Variants in ZNF200 observed in about 807,000 individuals in gnomAD.
The protein encoded by ZNF200 is zinc finger protein 200.
ZNF200 carries 35 observed loss-of-function variants against 33.6 expected under a neutral mutation model. The ratio of observed to expected loss-of-function variants is 1.04; its 90% confidence interval spans 0.80 to 1.38. The LOEUF (loss-of-function observed/expected upper bound fraction) is 1.38. ZNF200 is among the 40% of genes most tolerant of loss of function. The pLI is 0.00. For synonymous variants in ZNF200, 209 were observed against 167.7 expected, an observed-to-expected ratio of 1.25 and a Z score of -1.90; for missense variants, 592 against 470.6, an observed-to-expected ratio of 1.26 and a Z score of -2.39.
Position 3,224,144 on chromosome 16 carries a change from C to T in ZNF200, c.936G>A (p.Gln312=). Residue 312 remains glutamine, a synonymous_variant, in exon 5 of 5, where the codon CAG becomes CAA. Coordinates refer to ENST00000414144, the MANE Select transcript of ZNF200 (RefSeq NM_198088.3). ...AATTCTGACGGAAGTTTTTTCCACA[C>T]TGAGAACAGGAATAAGGTTTCTCTC... is the stretch of plus-strand genomic sequence containing the variant. ...HTGEKPYSCS[Q]CGKNFRQNSH... is the part of the protein sequence containing the mutation. The T allele has an allele frequency of 3.1e-6, 5 of 1,614,112 alleles. No individual in the cohort carries two copies. Among genetic ancestry groups the T allele is most frequent in the Non-Finnish European group, 4.2e-6 (5 of 1,180,030 alleles).
intron 4 of ZNF200, among the ~76,000 whole-genome samples, chr16:3,228,439 A>C (rs17609551): frequency 0.11 from 16,247 of 151,910 alleles, 1,077 homozygotes; most frequent in Middle Eastern, 0.15. Flanking sequence ...CAAGTAAACA[A>C]ATGATTTTTC....
Position 3,233,646 on chromosome 16 carries a change from T to G in ZNF200, c.110A>C (p.Asn37Thr). 14 of 1,613,928 alleles carry G rather than the reference T, an allele frequency of 8.7e-6. No homozygotes were observed. The highest frequency in any genetic ancestry group is 1.2e-5 in the Non-Finnish European group (14 of 1,179,998). The change falls in exon 2 of 5, where the codon AAC (asparagine) becomes ACC (threonine). Residue 37 changes from asparagine to threonine, a missense_variant. Coordinates refer to ENST00000414144, the MANE Select transcript of ZNF200 (RefSeq NM_198088.3). The part of the protein sequence containing the change: ...LGQDLLRDAT[N>T]GPKTIHQLVL... ...TAGCTGGTGGATGGTCTTGGGCCCG[T>G]TAGTGGCATCTCGAAGTAGGTCTTG...
intron 4 of ZNF200, among the ~76,000 whole-genome samples, chr16:3,229,507 C>G (rs922514238): frequency 1.3e-5 from 2 of 152,144 alleles, no homozygotes; most frequent in Middle Eastern, 3.4e-3. Context: ...AAAAGACTAG[C>G]CACCTACCCA....
rs532382558 is a variant in ZNF200 at position 3,223,528 on chromosome 16, G to A, written c.*364C>T. 1.9e-4 allele frequency: 34 copies of A among 177,782 alleles called. No individual in the cohort carries two copies. Among genetic ancestry groups the A allele is most frequent in the African/African-American group, 6.6e-4 (28 of 42,348 alleles). 11.0% of individuals were successfully genotyped at this position (177,782 alleles called of 1,614,324 possible). A position where few individuals can be genotyped will look rare whatever the true frequency, so the allele number is the denominator to read the frequency against. On this transcript the variant is annotated 3_prime_UTR_variant, in exon 5 of 5. Coordinates refer to ENST00000414144, the MANE Select transcript of ZNF200 (RefSeq NM_198088.3). ...TCTCAAGTATGAATCCCCATGTGGG[G>A]GGAAAACGGATATACTTTCAATAGA...
At chr16:3,227,170 G>C (rs1474796098) in intron 4 of ZNF200, 1 of 152,220 alleles carries the variant, frequency 6.6e-6, no homozygotes, top group Non-Finnish European at 1.5e-5. Context: ...CAAAACTCCT[G>C]ACCTCAGGTG....
At position 3,233,520 on chromosome 16, in the gene ZNF200, C is replaced by T. The variant is rs141693918; in HGVS notation, c.236G>A (p.Ser79Asn). The change falls in exon 2 of 5, where the codon AGC (serine) becomes AAC (asparagine). Residue 79 changes from serine to asparagine, a missense_variant. Ser to Asn is a conservative substitution (Grantham distance 46, BLOSUM62 1). Coordinates refer to ENST00000414144, the MANE Select transcript of ZNF200 (RefSeq NM_198088.3). Reference sequence around the variant, plus strand: ...GTGCTTCTCACCTCTGTTCTGAAGGCTTGAGCTCACATCTTTCATAATAAC... The same window carrying T: ...GTGCTTCTCACCTCTGTTCTGAAGGTTTGAGCTCACATCTTTCATAATAAC... The part of the protein sequence containing the change: ...TLVIMKDVSS[S>N]LQNRVHPRPL... 73 of 1,561,782 alleles carry T rather than the reference C, an allele frequency of 4.7e-5. No individual in the cohort carries two copies. The highest frequency in any genetic ancestry group is 1.7e-4 in the Middle Eastern group (1 of 5,814).
intron 4 of ZNF200, among the ~76,000 whole-genome samples, chr16:3,230,410 T>C (rs1958604310): frequency 6.6e-6 from 1 of 152,252 alleles, no homozygotes; most frequent in South Asian, 2.1e-4. Context: ...GATCCTACTT[T>C]ATTTCTACTC....
At chr16:3,230,713 T>C (rs1228688783) in intron 4 of ZNF200, among the ~76,000 whole-genome samples, 1 of 152,212 alleles carries the variant, frequency 6.6e-6, no homozygotes, top group Non-Finnish European at 1.5e-5. Context: ...GTTTCAATTA[T>C]CATCACCTAT....
At chr16:3,226,378 C>T (rs1360565547) in intron 4 of ZNF200, 2 of 152,088 alleles carry the variant, frequency 1.3e-5, no homozygotes, top group African/African-American at 4.8e-5. Context: ...TAATCACTCC[C>T]TTAGGATAAT....
chr16:3,229,921 A>T (rs1027373650), intron 4 of ZNF200, among the ~76,000 whole-genome samples: 25 of 152,326 alleles, frequency 1.6e-4, no homozygotes, highest in East Asian at 7.7e-4. Context: ...CTGTCTCAAA[A>T]AAATAAATAA....
chr16:3,234,426 A>T (rs770963365), intron 1 of ZNF200, among the ~76,000 whole-genome samples: 2 of 152,084 alleles, frequency 1.3e-5, no homozygotes, highest in Admixed American at 6.6e-5. Context: ...AAGAGAAAGG[A>T]AAGAAGGAGG....
chr16:3,234,299 G>C (rs1958735026), intron 1 of ZNF200: 1 of 152,570 alleles, frequency 6.6e-6, no homozygotes, highest in African/African-American at 2.4e-5. Context: ...CCAGCTACTG[G>C]GGAGCTGGGA....
intron 4 of ZNF200, 78 bp downstream of exon 4, chr16:3,232,343 C>A (rs1056277213): frequency 1.3e-5 from 19 of 1,512,648 alleles, no homozygotes; most frequent in Non-Finnish European, 1.7e-5. Flanking sequence ...TGTGAATCGT[C>A]CCCCAAAGCT....
In ZNF200 at chr16:3,226,023, C is replaced by G. The variant is rs1377981296; in HGVS notation, c.467-1410G>C. On this transcript the variant is annotated intron_variant, in intron 4 of 4. Coordinates refer to ENST00000414144, the MANE Select transcript of ZNF200 (RefSeq NM_198088.3). ...GCTGGGGATTACAGGTGTAAGCCCC[C>G]ACACCCAGCCTTAATTATTTTTTCT... The G allele has an allele frequency of 2.7e-5, 4 of 149,936 alleles. No homozygotes were observed. The East Asian group carries it at 7.9e-4, about 30-fold the overall frequency. The allele number at this position is 149,936 out of a possible 1,614,324, so 9.3% of individuals were successfully genotyped here.
At position 3,223,818 on chromosome 16, in the gene ZNF200, T is replaced by G; in HGVS notation, c.*74A>C. 6.6e-7 allele frequency: 1 copy of G among 1,511,814 alleles called. No homozygotes were observed. Among genetic ancestry groups the G allele is most frequent in the Middle Eastern group, 1.8e-4 (1 of 5,608 alleles). 93.6% of individuals were successfully genotyped at this position (1,511,814 alleles called of 1,614,324 possible). A position where few individuals can be genotyped will look rare whatever the true frequency, so the allele number is the denominator to read the frequency against. ...ACACATTTATACCTTTTTAGGCAGCTTGGGAATTCAGAACTACTTATGAAA... is the reference window on the plus strand; with the variant it reads ...ACACATTTATACCTTTTTAGGCAGCGTGGGAATTCAGAACTACTTATGAAA... On this transcript the variant is annotated 3_prime_UTR_variant, in exon 5 of 5. Coordinates refer to ENST00000414144, the MANE Select transcript of ZNF200 (RefSeq NM_198088.3).
Position 3,232,566 on chromosome 16 carries a change from C to CCTTTCAT in ZNF200, c.340-26_340-20dup. 1 of 1,611,792 alleles carries CCTTTCAT rather than the reference C, an allele frequency of 6.2e-7. No individual in the cohort carries two copies. The highest frequency in any genetic ancestry group is 1.1e-5 in the South Asian group (1 of 90,896). Reference sequence around the variant, plus strand: ...CCAGCTCCTGAAAGAGCAAGAGGCCCCTTTCATCTTAGTAACTGAGGTTCA... The same window carrying CCTTTCAT: ...CCAGCTCCTGAAAGAGCAAGAGGCCCCTTTCATCTTTCATCTTAGTAACTGAGGTTCA... On this transcript the variant is annotated intron_variant, in intron 3 of 4. Coordinates refer to ENST00000414144, the MANE Select transcript of ZNF200 (RefSeq NM_198088.3).
chr16:3,233,116 A>T (rs1466042002), intron 2 of ZNF200, among the ~76,000 whole-genome samples, 195 bp from the exon 3 acceptor site: 1 of 152,208 alleles, frequency 6.6e-6, no homozygotes, highest in Admixed American at 6.5e-5. Flanking sequence ...TTATGAAAAG[A>T]ATGACTTCTC....
chr16:3,234,646 G>C (rs879818949), intron 1 of ZNF200: 3 of 152,240 alleles, frequency 2.0e-5, no homozygotes, highest in South Asian at 4.1e-4. Context: ...CCCTCGAACC[G>C]AAGCTCCCTC....
intron 4 of ZNF200, 112 bp downstream of exon 4, chr16:3,232,309 G>C (rs1958655490): frequency 1.7e-6 from 2 of 1,204,878 alleles, no homozygotes; most frequent in Admixed American, 2.4e-5. Flanking sequence ...AATAAAATGT[G>C]TGTGTGCACA....
Sources: gnomAD v4.1 joint callset for allele counts (sites outside exome capture counted in the v4.1 genomes callset) on GRCh38, gnomAD v4.1.1 for gene constraint, MANE v1.5 for transcripts, NCBI Gene and HGNC (gene_info 2026-07-23, HGNC 2026-07-21) for gene names.